Variants in PDE3A observed in about 807,000 individuals in gnomAD.
PDE3A encodes cGMP-inhibited 3',5'-cyclic phosphodiesterase 3A.
A neutral mutation model predicts 98.3 loss-of-function variants in PDE3A; 43 were observed. The observed-to-expected ratio is 0.44, with a 90% CI of 0.34 to 0.56. The LOEUF (loss-of-function observed/expected upper bound fraction) is 0.56, where lower values mean the gene tolerates loss of function less well. PDE3A is among the 20% of genes least tolerant of loss of function. The pLI is 0.01. For synonymous variants in PDE3A, 663 were observed against 567.9 expected (o/e 1.17, Z -2.38); for missense variants, 1,427 against 1,440.7 (o/e 0.99, Z 0.15).
At chr12:20,652,125 T>G (rs1264505454) in intron 14 of PDE3A, among the ~76,000 whole-genome samples, 4 of 152,194 alleles carry the variant, frequency 2.6e-5, no homozygotes, top group Non-Finnish European at 5.9e-5. Context: ...TGCATAGTAT[T>G]CCATGGTGTA....
intron 15 of PDE3A, among the ~76,000 whole-genome samples, chr12:20,671,450 A>G (rs1945479371): frequency 6.7e-6 from 1 of 149,268 alleles, no homozygotes; most frequent in Non-Finnish European, 1.5e-5. Context: ...AAAATCCTCA[A>G]TAAAATACTG....
At chr12:20,639,215 T>A (rs909514069) in intron 9 of PDE3A, among the ~76,000 whole-genome samples, 2 of 152,058 alleles carry the variant, frequency 1.3e-5, no homozygotes, top group Non-Finnish European at 1.5e-5. Context: ...CCAAAATTGC[T>A]ACAAAATATT....
At chr12:20,473,298 T>C (rs980321469) in intron 1 of PDE3A, among the ~76,000 whole-genome samples, 3 of 152,180 alleles carry the variant, frequency 2.0e-5, no homozygotes, top group Non-Finnish European at 4.4e-5. Flanking sequence ...CGAGTCATAT[T>C]TGAATGTATG....
chr12:20,438,814 C>T (rs900292883), intron 1 of PDE3A, among the ~76,000 whole-genome samples: 18 of 151,020 alleles, frequency 1.2e-4, no homozygotes, highest in African/African-American at 4.4e-4. Context: ...GGCTGAAGTG[C>T]AGTGGCATGA....
chr12:20,383,267 AAAAC>A (rs143310483), intron 1 of PDE3A, among the ~76,000 whole-genome samples: 26,094 of 151,686 alleles, frequency 0.17, 2,422 homozygotes, highest in Admixed American at 0.25. Flanking sequence ...TTTGTCTTGA[AAAAC>A]AAAATTATTT....
At position 20,646,870 on chromosome 12, in the gene PDE3A, C is replaced by T. The variant is rs1233466768; in HGVS notation, c.2485C>T (p.Leu829=). ...GNIPALELMA[L]YVAAAMHDYD... is the part of the protein sequence containing the mutation. ...TATCCCTGCCTTGGAGTTGATGGCG[C>T]TGTATGTGGCTGCAGCCATGCACGA... Residue 829 remains leucine, a synonymous_variant, in exon 12 of 16, where the codon CTG becomes TTG. Coordinates refer to ENST00000359062, the MANE Select transcript of PDE3A (RefSeq NM_000921.5). 6.2e-7 allele frequency: 1 copy of T among 1,613,750 alleles called. No individual in the cohort carries two copies. The highest frequency in any genetic ancestry group is 1.1e-5 in the South Asian group (1 of 91,064).
At chr12:20,456,214 A>G (rs887044333) in intron 1 of PDE3A, among the ~76,000 whole-genome samples, 1 of 152,134 alleles carries the variant, frequency 6.6e-6, no homozygotes, top group African/African-American at 2.4e-5. Context: ...TTTCCTTTAA[A>G]TAAGTTTGCT....
intron 1 of PDE3A, among the ~76,000 whole-genome samples, chr12:20,550,784 C>T (rs1942178896): frequency 6.6e-6 from 1 of 151,930 alleles, no homozygotes; most frequent in Non-Finnish European, 1.5e-5. Context: ...ACCTATTATA[C>T]TGTGAACATT....
intron 2 of PDE3A, among the ~76,000 whole-genome samples, chr12:20,570,786 T>G (rs1942785800): frequency 6.6e-6 from 1 of 152,120 alleles, no homozygotes; most frequent in Non-Finnish European, 1.5e-5. Flanking sequence ...GCTCTTCATT[T>G]AATGGAAATT....
chr12:20,414,592 G>A (rs908067643), intron 1 of PDE3A, among the ~76,000 whole-genome samples: 1 of 152,118 alleles, frequency 6.6e-6, no homozygotes, highest in Non-Finnish European at 1.5e-5. Flanking sequence ...ACACCCTTTG[G>A]TGGCAGCAAA....
At chr12:20,448,561 A>T (rs773051818) in intron 1 of PDE3A, among the ~76,000 whole-genome samples, 13 of 152,278 alleles carry the variant, frequency 8.5e-5, no homozygotes, top group Non-Finnish European at 5.9e-5. Context: ...TGGAGTTAAG[A>T]CATTTTAATA....
chr12:20,585,317 A>C (rs1169359267), intron 2 of PDE3A, among the ~76,000 whole-genome samples: 1 of 152,216 alleles, frequency 6.6e-6, no homozygotes, highest in Non-Finnish European at 1.5e-5. Flanking sequence ...GGCTTAGCCC[A>C]GAGTTGGTAT....
intron 15 of PDE3A, among the ~76,000 whole-genome samples, chr12:20,670,394 C>A (rs1424240108): frequency 6.6e-6 from 1 of 151,490 alleles, no homozygotes; most frequent in Non-Finnish European, 1.5e-5. Context: ...ATAGAATATA[C>A]ATTTTTTTCA....
At chr12:20,507,178 C>T (rs1307875653) in intron 1 of PDE3A, among the ~76,000 whole-genome samples, 2 of 151,918 alleles carry the variant, frequency 1.3e-5, no homozygotes, top group East Asian at 1.9e-4. Context: ...TGTATTGGAC[C>T]TTTGAGAGAC....
chr12:20,602,740 A>G (rs1943621034), intron 2 of PDE3A, among the ~76,000 whole-genome samples: 1 of 152,238 alleles, frequency 6.6e-6, no homozygotes, highest in Non-Finnish European at 1.5e-5. Context: ...ATTCCCTGCC[A>G]GAAAATTAAA....
rs564569733 is a variant in PDE3A at position 20,604,726 on chromosome 12, T to C, written c.1012-8717T>C. Among the ~76,000 whole-genome samples, 17 of 152,288 alleles carry C rather than the reference T, an allele frequency of 1.1e-4. No individual in the cohort carries two copies. The South Asian group carries it at 3.1e-3, about 28-fold the overall frequency. On this transcript the variant is annotated intron_variant, in intron 2 of 15. Coordinates refer to ENST00000359062, the MANE Select transcript of PDE3A (RefSeq NM_000921.5). ...ATAAAAATATGATATAAATTTTCTA[T>C]AATTCTAGTAATATATTTTAACTTA...
chr12:20,677,888 T>A (rs1945682107), intron 15 of PDE3A, among the ~76,000 whole-genome samples: 1 of 151,278 alleles, frequency 6.6e-6, no homozygotes, highest in South Asian at 2.1e-4. Flanking sequence ...ATCAGTAGTA[T>A]CTATGATTCC....
chr12:20,492,065 C>T (rs1174095994), intron 1 of PDE3A, among the ~76,000 whole-genome samples: 1 of 152,056 alleles, frequency 6.6e-6, no homozygotes, highest in African/African-American at 2.4e-5. Flanking sequence ...ACTGCAACCT[C>T]CATCTCCCAC....
Position 20,547,442 on chromosome 12 carries a change from C to T in PDE3A, c.961-9218C>T, listed in dbSNP as rs372947732. On this transcript the variant is annotated intron_variant, in intron 1 of 15. Coordinates refer to ENST00000359062, the MANE Select transcript of PDE3A (RefSeq NM_000921.5). ...ATAATATGCATACAATACATATTTA[C>T]TTAATGAGTACATGATGAAATAGAA... Among the ~76,000 whole-genome samples, 102 of 152,256 alleles carry T rather than the reference C, an allele frequency of 6.7e-4. 1 individual carries two copies. Among genetic ancestry groups the T allele is most frequent in the African/African-American group, 2.4e-3 (100 of 41,572 alleles).
Sources: gnomAD v4.1 joint callset for allele counts (sites outside exome capture counted in the v4.1 genomes callset) on GRCh38, gnomAD v4.1.1 for gene constraint, MANE v1.5 for transcripts, NCBI Gene and HGNC (gene_info 2026-07-23, HGNC 2026-07-21) for gene names.